ANKRD62: variants seen among roughly 807,000 people sequenced by gnomAD.
ANKRD62 encodes the protein ankyrin repeat domain 62.
ANKRD62 carries 61 observed loss-of-function variants against 98.8 expected under a neutral mutation model. The ratio of observed to expected loss-of-function variants is 0.62; its 90% confidence interval spans 0.50 to 0.76. The LOEUF is 0.76. Among genes scored for constraint, ANKRD62 ranks in the 30% least tolerant of loss-of-function variants. The pLI is 0.00. For missense variants in ANKRD62, 933 were observed against 1,082.9 expected, an observed-to-expected ratio of 0.86 and a Z score of 1.94; for synonymous variants, 341 against 367.9, an observed-to-expected ratio of 0.93 and a Z score of 0.84.
chr18:12,161,600 G>T, the ANKRD62 span, among the ~76,000 whole-genome samples: 5 of 152,042 alleles, frequency 3.3e-5, no homozygotes, highest in Non-Finnish European at 7.4e-5. Flanking sequence ...TCACCCTGTT[G>T]TGCTACCAAA....
chr18:12,176,543 G>C, the ANKRD62 span, among the ~76,000 whole-genome samples: 2 of 125,036 alleles, frequency 1.6e-5, 1 homozygote, highest in Admixed American at 1.7e-4. Context: ...TTCCGAGCCA[G>C]AGCTTGCAAA....
the ANKRD62 span, among the ~76,000 whole-genome samples, chr18:12,170,244 C>T: frequency 4.6e-5 from 7 of 152,264 alleles, no homozygotes; most frequent in East Asian, 7.7e-4. Context: ...TTAGATCTTT[C>T]CTGCTTTCTC....
downstream of ANKRD62, among the ~76,000 whole-genome samples, chr18:12,134,357 C>A (rs1363154553): frequency 6.6e-6 from 1 of 152,070 alleles, no homozygotes; most frequent in Non-Finnish European, 1.5e-5. Flanking sequence ...TAGTCCCTGC[C>A]TTTCTCATCT....
chr18:12,108,315 C>T (rs1050292573), intron 8 of ANKRD62, among the ~76,000 whole-genome samples: 1 of 152,140 alleles, frequency 6.6e-6, no homozygotes, highest in East Asian at 1.9e-4. Context: ...AGGAAATTTA[C>T]AATCATGACA....
the ANKRD62 span, among the ~76,000 whole-genome samples, chr18:12,172,977 A>T: frequency 6.6e-6 from 1 of 152,180 alleles, no homozygotes; most frequent in Non-Finnish European, 1.5e-5. Flanking sequence ...TTAGGGTGGG[A>T]GTATCCCAGT....
intron 10 of ANKRD62, 38 bp from the exon 11 acceptor site, chr18:12,122,265 A>G: frequency 6.9e-7 from 1 of 1,448,650 alleles, no homozygotes; most frequent in East Asian, 2.5e-5. Context: ...AAACCTACTC[A>G]TGTATTTTAT....
the ANKRD62 span, among the ~76,000 whole-genome samples, chr18:12,136,722 A>C: frequency 1.3e-5 from 2 of 152,072 alleles, no homozygotes; most frequent in Non-Finnish European, 2.9e-5. Context: ...TATTTCGTTG[A>C]GCAGTGGTTT....
At chr18:12,151,540 C>A in the ANKRD62 span, among the ~76,000 whole-genome samples, 2 of 152,170 alleles carry the variant, frequency 1.3e-5, no homozygotes, top group African/African-American at 4.8e-5. Flanking sequence ...ATAAAACAAT[C>A]CTTAGCTAAT....
At chr18:12,131,916 C>A (rs945478413), downstream of ANKRD62, among the ~76,000 whole-genome samples, 1 of 151,796 alleles carries the variant, frequency 6.6e-6, no homozygotes, top group African/African-American at 2.4e-5. Flanking sequence ...TTGTTTTTTT[C>A]AGAGTTACTG....
chr18:12,130,598 G>A (rs143477359), downstream of ANKRD62, among the ~76,000 whole-genome samples: 761 of 152,132 alleles, frequency 5.0e-3, 2 homozygotes, highest in African/African-American at 0.017. Flanking sequence ...GTACCCAAGA[G>A]TAAACGTGAA....
intron 6 of ANKRD62, chr18:12,102,672 T>C (rs1014397383): frequency 6.0e-6 from 6 of 999,046 alleles, no homozygotes; most frequent in Admixed American, 4.9e-5. Context: ...GTCAGAATAG[T>C]AGAGGAAGAC....
chr18:12,116,856 A>T (rs1316759370), intron 10 of ANKRD62, among the ~76,000 whole-genome samples: 1 of 152,156 alleles, frequency 6.6e-6, no homozygotes, highest in Non-Finnish European at 1.5e-5. Flanking sequence ...TGGAGAATTG[A>T]CTTCTTAACA....
the ANKRD62 span, among the ~76,000 whole-genome samples, chr18:12,136,466 G>C: frequency 6.6e-6 from 1 of 152,212 alleles, no homozygotes; most frequent in Admixed American, 6.5e-5. Flanking sequence ...ATAGTTTGAA[G>C]TCAGGTGGCC....
chr18:12,152,217 T>G, the ANKRD62 span, among the ~76,000 whole-genome samples: 1 of 133,998 alleles, frequency 7.5e-6, no homozygotes, highest in Non-Finnish European at 1.6e-5. Flanking sequence ...GAGGAGGGAC[T>G]CCTCCCAAAC....
intron 8 of ANKRD62, 29 bp downstream of exon 8, chr18:12,107,496 A>T (rs1204147639): frequency 1.1e-5 from 16 of 1,410,538 alleles, no homozygotes; most frequent in South Asian, 6.3e-5. Flanking sequence ...TTAACAGCGG[A>T]TCACTGTTAA....
the ANKRD62 span, among the ~76,000 whole-genome samples, chr18:12,159,885 G>A: frequency 6.6e-6 from 1 of 152,048 alleles, no homozygotes; most frequent in Non-Finnish European, 1.5e-5. Flanking sequence ...TTAGTTTTGT[G>A]TAGGTCTTTT....
rs555420955 is a variant in ANKRD62 at position 12,097,803 on chromosome 18, A to C, written c.752+26A>C. ...GTAAGTGTTAAAAAGGCTAGTGAACACTAAATTGAGGTTTAAAGTCATTGT... is the reference window on the plus strand; with the variant it reads ...GTAAGTGTTAAAAAGGCTAGTGAACCCTAAATTGAGGTTTAAAGTCATTGT... On this transcript the variant is annotated intron_variant, in intron 5 of 13. Coordinates refer to ENST00000587848, the MANE Select transcript of ANKRD62 (RefSeq NM_001277333.2). 7.4e-5 allele frequency: 114 copies of C among 1,532,860 alleles called. 1 individual carries two copies. In the South Asian group the frequency reaches 1.2e-3, roughly 16 times the overall value. The allele number at this position is 1,532,860 out of a possible 1,614,324, so 95.0% of individuals were successfully genotyped here. A position where few individuals can be genotyped will look rare whatever the true frequency, so the allele number is the denominator to read the frequency against.
intron 10 of ANKRD62, among the ~76,000 whole-genome samples, chr18:12,118,272 T>G (rs1026466621): frequency 3.9e-5 from 6 of 152,320 alleles, no homozygotes; most frequent in African/African-American, 1.4e-4. Context: ...ATCCATAGTT[T>G]TACATTTTCC....
chr18:12,170,900 C>G, the ANKRD62 span, among the ~76,000 whole-genome samples: 1 of 149,682 alleles, frequency 6.7e-6, no homozygotes, highest in Non-Finnish European at 1.5e-5. Flanking sequence ...TTCTTTGTCT[C>G]TTTTGATCTT....
Sources: allele counts gnomAD v4.1 joint callset (sites outside exome capture counted in the v4.1 genomes callset), GRCh38; gene constraint gnomAD v4.1.1; transcripts MANE v1.5; gene names NCBI Gene and HGNC (gene_info 2026-07-23, HGNC 2026-07-21).